The following CSF1R variants were observed in gnomAD, a reference collection of about 807,000 sequenced individuals.
The protein encoded by CSF1R is macrophage colony-stimulating factor 1 receptor.
CSF1R carries 40 observed loss-of-function variants against 110.0 expected under a neutral mutation model. That is an observed-to-expected ratio of 0.36 (90% CI 0.28 to 0.47). CSF1R has a LOEUF of 0.47. CSF1R is among the 20% of genes least tolerant of loss of function. CSF1R has a pLI of 0.99. For synonymous variants in CSF1R, 523 were observed against 503.4 expected (o/e 1.04, Z -0.52); for missense variants, 1,052 against 1,253.0 (o/e 0.84, Z 2.42).
At chr5:150,076,368 AT>A (rs1758268955) in intron 5 of CSF1R, among the ~76,000 whole-genome samples, 1 of 138,804 alleles carries the variant, frequency 7.2e-6, no homozygotes, top group Non-Finnish European at 1.6e-5. Context: ...CTATCTATCT[AT>A]CTATCTAATC....
At chr5:150,078,032 G>A (rs1035933447) in intron 4 of CSF1R, 80 bp downstream of exon 4, 1 of 1,576,336 alleles carries the variant, frequency 6.3e-7, no homozygotes, top group Non-Finnish European at 8.7e-7. Context: ...TTTGGAGTTG[G>A]GGGCCCAGGA....
chr5:150,074,311 T>TTTTG (rs1176625786), intron 5 of CSF1R, among the ~76,000 whole-genome samples: 1 of 141,898 alleles, frequency 7.0e-6, no homozygotes, highest in African/African-American at 3.0e-5. Flanking sequence ...ACTAGTTTTT[T>TTTTG]TTTTTTTTTT....
In CSF1R at chr5:150,082,237, G is replaced by A. The variant is rs536186089; in HGVS notation, c.50-1213C>T. Among the ~76,000 whole-genome samples the A allele has an allele frequency of 2.6e-5, 4 of 152,316 alleles. 1 individual carries two copies. Among genetic ancestry groups the A allele is most frequent in the African/African-American group, 9.6e-5 (4 of 41,570 alleles). ...CCCAGTGATGGGGGCACAATGACAG[G>A]CCAGCCCCGAGGGCTTTCGGTGAAT... is the stretch of plus-strand genomic sequence containing the variant. On this transcript the variant is annotated intron_variant, in intron 1 of 20. Coordinates refer to ENST00000675795, the MANE Select transcript of CSF1R (RefSeq NM_001288705.3).
chr5:150,061,220 C>T (rs1042185874), intron 12 of CSF1R, among the ~76,000 whole-genome samples: 2 of 152,214 alleles, frequency 1.3e-5, no homozygotes, highest in East Asian at 1.9e-4. Flanking sequence ...TGTGGCCAGG[C>T]CATGGCCATA....
At chr5:150,068,698 C>T (rs367864922) in intron 9 of CSF1R, among the ~76,000 whole-genome samples, 29 of 152,276 alleles carry the variant, frequency 1.9e-4, no homozygotes, top group East Asian at 1.7e-3. Context: ...CCAGGAAGCT[C>T]GTTCAGAAAG....
chr5:150,057,196 G>C, intron 16 of CSF1R, 91 bp downstream of exon 16: 12 of 1,086,580 alleles, frequency 1.1e-5, no homozygotes, highest in African/African-American at 1.6e-5. Context: ...CCCCTCACAG[G>C]CTCCCGTTTC....
chr5:150,068,202 C>A lies in CSF1R; in HGVS notation c.1626+13G>T. The stretch of plus-strand genomic sequence containing the variant: ...ACTCAGGCACCTGGCAGCCCCACTC[C>A]GCTCCGGCTCACCTGCTTATACTTG... On this transcript the variant is annotated intron_variant, in intron 10 of 20. Transcript: ENST00000675795. 6.2e-7 allele frequency: 1 copy of A among 1,603,078 alleles called. No individual in the cohort carries two copies. The highest frequency in any genetic ancestry group is 8.5e-7 in the Non-Finnish European group (1 of 1,175,588).
intron 1 of CSF1R, among the ~76,000 whole-genome samples, chr5:150,084,029 G>A (rs185291603): frequency 2.0e-5 from 3 of 152,144 alleles, no homozygotes; most frequent in Admixed American, 2.0e-4. Flanking sequence ...CTTAACCTTG[G>A]CAAAATAAAC....
intron 9 of CSF1R, among the ~76,000 whole-genome samples, chr5:150,068,923 G>A (rs1757905562): frequency 1.3e-5 from 2 of 152,188 alleles, no homozygotes; most frequent in African/African-American, 4.8e-5. Flanking sequence ...TAGATCTGCA[G>A]TCAAGTTTCA....
chr5:150,112,311 C>A (rs1759744479), intron 1 of CSF1R, among the ~76,000 whole-genome samples: 1 of 152,266 alleles, frequency 6.6e-6, no homozygotes, highest in African/African-American at 2.4e-5. Context: ...ACTCAGGTCA[C>A]TGGGCTTTTG....
At chr5:150,058,511 G>A (rs1282292784) in intron 14 of CSF1R, among the ~76,000 whole-genome samples, 1 of 152,168 alleles carries the variant, frequency 6.6e-6, no homozygotes, top group Non-Finnish European at 1.5e-5. Flanking sequence ...TGACAGAGTT[G>A]GTTTACAGGC....
intron 1 of CSF1R, among the ~76,000 whole-genome samples, chr5:150,093,987 TG>T (rs1759130978): frequency 6.7e-6 from 1 of 150,316 alleles, no homozygotes; most frequent in Non-Finnish European, 1.5e-5. Flanking sequence ...TGCTTAAACC[TG>T]GGAGGCAGAG....
intron 3 of CSF1R, among the ~76,000 whole-genome samples, chr5:150,079,212 G>A (rs1381538948): frequency 2.0e-5 from 3 of 152,218 alleles, no homozygotes; most frequent in African/African-American, 7.2e-5. Flanking sequence ...GAAATGCCAG[G>A]AAAGAGCCCT....
At chr5:150,079,377 G>A (rs541324760) in intron 3 of CSF1R, among the ~76,000 whole-genome samples, 2 of 152,308 alleles carry the variant, frequency 1.3e-5, no homozygotes, top group Non-Finnish European at 2.9e-5. Flanking sequence ...CCTCAGGCTG[G>A]GGTCCTGCTT....
chr5:150,067,994 A>C (rs1390445819), intron 10 of CSF1R, among the ~76,000 whole-genome samples: 2 of 152,034 alleles, frequency 1.3e-5, no homozygotes, highest in Non-Finnish European at 1.5e-5. Flanking sequence ...TGGCTATTTG[A>C]TTAGCACCTG....
At chr5:150,069,669 AC>A (rs990953489) in intron 9 of CSF1R, among the ~76,000 whole-genome samples, 1 of 151,760 alleles carries the variant, frequency 6.6e-6, no homozygotes, top group African/African-American at 2.4e-5. Context: ...CTCAGAGACT[AC>A]CCCGTCCTAC....
intron 10 of CSF1R, among the ~76,000 whole-genome samples, chr5:150,065,044 T>C (rs1460571945): frequency 6.6e-6 from 1 of 152,206 alleles, no homozygotes; most frequent in African/African-American, 2.4e-5. Context: ...CTTCCTGAGC[T>C]CTTCCTGGGA....
chr5:150,076,169 C>G (rs933269100), intron 5 of CSF1R, among the ~76,000 whole-genome samples: 1 of 149,080 alleles, frequency 6.7e-6, no homozygotes, highest in African/African-American at 2.4e-5. Context: ...GCATCTCAGA[C>G]TCTTCCACAC....
At chr5:150,055,368 G>A in intron 18 of CSF1R, 32 bp from the exon 19 acceptor site, 2 of 1,579,088 alleles carry the variant, frequency 1.3e-6, no homozygotes, top group Middle Eastern at 1.7e-4. Flanking sequence ...AAGAGGCCAT[G>A]CCCATTGTCT....
Sources: allele counts gnomAD v4.1 joint callset (sites outside exome capture counted in the v4.1 genomes callset), GRCh38; gene constraint gnomAD v4.1.1; transcripts MANE v1.5; gene names NCBI Gene and HGNC (gene_info 2026-07-23, HGNC 2026-07-21).